RNF130: variants seen among roughly 807,000 people sequenced by gnomAD.
The protein encoded by RNF130 is E3 ubiquitin-protein ligase RNF130.
In RNF130, 21 loss-of-function variants were observed where a neutral mutation model predicts 44.6. The observed-to-expected ratio is 0.47, with a 90% CI of 0.33 to 0.68. RNF130 has a LOEUF of 0.68. Ranked by LOEUF, RNF130 falls within the 30% of genes least tolerant of loss-of-function variation. The probability of loss-of-function intolerance (pLI) is 0.02; values close to 1 mark genes in which losing one functional copy is unlikely to be tolerated. For synonymous variants in RNF130, 214 were observed against 210.4 expected, an observed-to-expected ratio of 1.02 and a Z score of -0.15; for missense variants, 479 against 560.6, an observed-to-expected ratio of 0.85 and a Z score of 1.47.
At chr5:179,949,166 T>A (rs527685577) in intron 7 of RNF130, among the ~76,000 whole-genome samples, 10 of 152,232 alleles carry the variant, frequency 6.6e-5, no homozygotes, top group Admixed American at 4.6e-4. Flanking sequence ...GGTTTCGCCA[T>A]GTTGGCCAGG....
chr5:180,059,131 C>T (rs1443299304), intron 1 of RNF130, among the ~76,000 whole-genome samples: 1 of 152,200 alleles, frequency 6.6e-6, no homozygotes, highest in Non-Finnish European at 1.5e-5. Flanking sequence ...TCTCTAACTC[C>T]TTTCAAATTC....
intron 7 of RNF130, among the ~76,000 whole-genome samples, chr5:179,923,898 C>A (rs1327311568): frequency 6.6e-6 from 1 of 152,170 alleles, no homozygotes; most frequent in Non-Finnish European, 1.5e-5. Flanking sequence ...TAGAAATTCT[C>A]GAACTTGATG....
At position 179,966,797 on chromosome 5, in the gene RNF130, C is replaced by T; in HGVS notation, c.1150+9G>A. The T allele has an allele frequency of 6.2e-7, 1 of 1,611,432 alleles. No homozygotes were observed. The highest frequency in any genetic ancestry group is 8.5e-7 in the Non-Finnish European group (1 of 1,178,754). ...CATGCCCTGTGCCTGAGCGGAGGCC[C>T]CCACTTACTTGTTACTGCAATGTTG... On this transcript the variant is annotated intron_variant, in intron 7 of 8. Coordinates refer to ENST00000521389, the MANE Select transcript of RNF130 (RefSeq NM_018434.6).
At chr5:180,031,707 G>A (rs1234107602) in intron 2 of RNF130, among the ~76,000 whole-genome samples, 2 of 152,226 alleles carry the variant, frequency 1.3e-5, no homozygotes, top group Non-Finnish European at 1.5e-5. Context: ...ATGCTGCTAT[G>A]AGCATTTGTG....
intron 7 of RNF130, among the ~76,000 whole-genome samples, chr5:179,937,573 A>G (rs933510379): frequency 1.3e-5 from 2 of 152,240 alleles, no homozygotes; most frequent in African/African-American, 4.8e-5. Context: ...GCAAGGAGGT[A>G]GCAAATCAGA....
intron 3 of RNF130, among the ~76,000 whole-genome samples, chr5:179,985,153 C>CTTTTTT (rs34998254): frequency 1.8e-4 from 17 of 91,970 alleles, no homozygotes; most frequent in Non-Finnish European, 2.7e-4. Context: ...TACCCCCTAA[C>CTTTTTT]TTTTTTTTTT....
intron 2 of RNF130, among the ~76,000 whole-genome samples, chr5:180,030,401 C>G (rs1764107598): frequency 6.6e-6 from 1 of 152,144 alleles, no homozygotes; most frequent in African/African-American, 2.4e-5. Context: ...TCCTACAAGA[C>G]TCATCTTTGT....
At chr5:179,947,484 A>C (rs1429373600) in intron 7 of RNF130, among the ~76,000 whole-genome samples, 1 of 152,220 alleles carries the variant, frequency 6.6e-6, no homozygotes. Context: ...AGCTTCTCTA[A>C]GAGGCAAATA....
intron 7 of RNF130, among the ~76,000 whole-genome samples, chr5:179,924,545 C>T (rs1377137873): frequency 6.6e-6 from 1 of 150,918 alleles, no homozygotes; most frequent in Non-Finnish European, 1.5e-5. Flanking sequence ...TGCCTGTAAT[C>T]CCAGCACTTT....
intron 1 of RNF130, among the ~76,000 whole-genome samples, chr5:180,054,778 G>C (rs1258408966): frequency 6.6e-6 from 1 of 152,100 alleles, no homozygotes; most frequent in African/African-American, 2.4e-5. Flanking sequence ...TCAATTTGGA[G>C]GGCACAGGTA....
At chr5:180,027,664 C>G (rs1280925217) in intron 2 of RNF130, among the ~76,000 whole-genome samples, 2 of 152,166 alleles carry the variant, frequency 1.3e-5, no homozygotes, top group African/African-American at 4.8e-5. Flanking sequence ...CCCTAGCAGC[C>G]AGGACGCGTG....
At chr5:180,069,032 A>T (rs1765180692) in intron 1 of RNF130, among the ~76,000 whole-genome samples, 1 of 152,262 alleles carries the variant, frequency 6.6e-6, no homozygotes. Flanking sequence ...ATAATGTAAA[A>T]TACCCAAGTA....
Position 179,973,995 on chromosome 5 carries a change from A to G in RNF130, c.849-3489T>C, listed in dbSNP as rs563161193. 3.9e-5 allele frequency among the ~76,000 whole-genome samples: 6 copies of G among 152,302 alleles called. 1 individual carries two copies. The South Asian group carries it at 1.2e-3, about 32-fold the overall frequency. ...CGCCCTCCCCTTTCCTATGTCCCAC[A>G]CATGCCATGAACTAGAGTGAGCAGA... On this transcript the variant is annotated intron_variant, in intron 5 of 8. Coordinates refer to ENST00000521389, the MANE Select transcript of RNF130 (RefSeq NM_018434.6).
Position 179,966,968 on chromosome 5 carries a change from T to C in RNF130, c.988A>G (p.Arg330Gly), listed in dbSNP as rs770061414. The C allele has an allele frequency of 6.2e-7, 1 of 1,614,224 alleles. No homozygotes were observed. The highest frequency in any genetic ancestry group is 2.2e-5 in the East Asian group (1 of 44,892). Residue 330 changes from arginine to glycine, a missense_variant, in exon 7 of 9, where the codon AGG becomes GGG. By Grantham distance (125) the Arg-to-Gly change is moderately radical (BLOSUM62 -2). Coordinates refer to ENST00000521389, the MANE Select transcript of RNF130 (RefSeq NM_018434.6). The stretch of plus-strand genomic sequence containing the variant: ...TTAACAGCTTGGGTTCTGGTGAGCC[T>C]TTCCATATCGAATGCTACGTTATCA... ...CTDNVAFDME[R>G]LTRTQAVNRR...
intron 7 of RNF130, among the ~76,000 whole-genome samples, chr5:179,937,558 T>C (rs1761909466): frequency 1.3e-5 from 2 of 152,148 alleles, no homozygotes; most frequent in South Asian, 4.1e-4. Flanking sequence ...GGATAACAAG[T>C]GTTGGCAAGG....
At chr5:179,948,248 G>A (rs1176174695) in intron 7 of RNF130, among the ~76,000 whole-genome samples, 1 of 152,196 alleles carries the variant, frequency 6.6e-6, no homozygotes, top group East Asian at 1.9e-4. Context: ...GAACAACTCA[G>A]CATGCTACCT....
chr5:180,042,160 CTTACACGA>C (rs2113142905), intron 1 of RNF130, among the ~76,000 whole-genome samples: 1 of 152,322 alleles, frequency 6.6e-6, no homozygotes, highest in South Asian at 2.1e-4. Context: ...AAACTAAATG[CTTACACGA>C]CTTAAATTGT....
At chr5:180,010,337 A>T (rs1007785065) in intron 3 of RNF130, among the ~76,000 whole-genome samples, 1 of 151,000 alleles carries the variant, frequency 6.6e-6, no homozygotes, top group Non-Finnish European at 1.5e-5. Flanking sequence ...GTTACATACT[A>T]TATGATTCCA....
At chr5:179,948,701 A>T (rs1483785653) in intron 7 of RNF130, among the ~76,000 whole-genome samples, 1 of 152,120 alleles carries the variant, frequency 6.6e-6, no homozygotes, top group Non-Finnish European at 1.5e-5. Flanking sequence ...AGAAAAAAAG[A>T]GTCTTGATAA....
Sources: gnomAD v4.1 joint callset for allele counts (sites outside exome capture counted in the v4.1 genomes callset) on GRCh38, gnomAD v4.1.1 for gene constraint, MANE v1.5 for transcripts, NCBI Gene and HGNC (gene_info 2026-07-23, HGNC 2026-07-21) for gene names.